Variants in GALNTL6 observed in about 807,000 individuals in gnomAD.
GALNTL6 encodes the protein polypeptide N-acetylgalactosaminyltransferase-like 6.
GALNTL6 carries 46 observed loss-of-function variants against 73.7 expected under a neutral mutation model. That is an observed-to-expected ratio of 0.62 (90% CI 0.49 to 0.80). The LOEUF is 0.80. Among genes scored for constraint, GALNTL6 ranks in the 30% least tolerant of loss-of-function variants. GALNTL6 has a pLI of 0.00. For missense variants in GALNTL6, 604 were observed against 755.0 expected (o/e 0.80, Z 2.34); for synonymous variants, 259 against 263.7 (o/e 0.98, Z 0.17).
chr4:172,415,402 A>G (rs1730785750), intron 5 of GALNTL6, among the ~76,000 whole-genome samples: 1 of 152,010 alleles, frequency 6.6e-6, no homozygotes, highest in Non-Finnish European at 1.5e-5. Flanking sequence ...GAGGGATTCT[A>G]CTCCACACAG....
At chr4:172,662,757 CT>C (rs1276264353) in intron 5 of GALNTL6, among the ~76,000 whole-genome samples, 2 of 152,138 alleles carry the variant, frequency 1.3e-5, no homozygotes, top group Admixed American at 1.3e-4. Context: ...TGAATCTTCT[CT>C]TTTTCTAGAG....
At chr4:171,900,331 A>C (rs1395112357) in intron 2 of GALNTL6, among the ~76,000 whole-genome samples, 1 of 152,100 alleles carries the variant, frequency 6.6e-6, no homozygotes, top group African/African-American at 2.4e-5. Context: ...TTTTTGAGAC[A>C]GAGTCTCACT....
At chr4:172,819,966 G>A (rs865894440) in intron 7 of GALNTL6, among the ~76,000 whole-genome samples, 2 of 152,206 alleles carry the variant, frequency 1.3e-5, no homozygotes, top group African/African-American at 2.4e-5. Context: ...ATATCGCAAA[G>A]CCAAAACATC....
chr4:172,052,330 G>C (rs1323109815), intron 2 of GALNTL6: 2 of 681,360 alleles, frequency 2.9e-6, no homozygotes, highest in Non-Finnish European at 4.9e-6. Flanking sequence ...TATATTGTGA[G>C]CTTATTTAGA....
At chr4:172,487,351 T>TTTCTTTCTTTCCTTCTTTCC (rs1254242822) in intron 5 of GALNTL6, among the ~76,000 whole-genome samples, 3 of 104,570 alleles carry the variant, frequency 2.9e-5, no homozygotes, top group Admixed American at 2.0e-4. Flanking sequence ...TCTTTCTTTC[T>TTTCTTTCTTTCCTTCTTTCC]TTCTTTCCTT....
intron 3 of GALNTL6, among the ~76,000 whole-genome samples, chr4:172,234,990 A>G (rs1024902371): frequency 6.6e-6 from 1 of 152,098 alleles, no homozygotes; most frequent in East Asian, 1.9e-4. Flanking sequence ...GTAGTAGTTG[A>G]TTATCTATTT....
intron 5 of GALNTL6, among the ~76,000 whole-genome samples, chr4:172,784,379 A>AC: frequency 6.6e-6 from 1 of 152,280 alleles, no homozygotes; most frequent in Middle Eastern, 3.4e-3. Flanking sequence ...CAGTATTAAA[A>AC]CTTTTTCTTC....
chr4:171,992,747 C>T (rs1327649322), intron 2 of GALNTL6, among the ~76,000 whole-genome samples: 2 of 151,926 alleles, frequency 1.3e-5, no homozygotes, highest in African/African-American at 4.8e-5. Flanking sequence ...AACTAGAAAG[C>T]CTAAGTAGCC....
chr4:172,990,378 C>T (rs6844502), intron 10 of GALNTL6, among the ~76,000 whole-genome samples: 1 of 152,048 alleles, frequency 6.6e-6, no homozygotes, highest in Non-Finnish European at 1.5e-5. Context: ...CTATAAATAG[C>T]TCAAAAGAAA....
intron 11 of GALNTL6, among the ~76,000 whole-genome samples, chr4:173,013,264 G>T (rs900503571): frequency 5.3e-5 from 8 of 152,018 alleles, no homozygotes; most frequent in African/African-American, 1.4e-4. Flanking sequence ...GAGTGGAAAA[G>T]AACTTTTTTA....
intron 5 of GALNTL6, among the ~76,000 whole-genome samples, chr4:172,487,940 G>A (rs980870142): frequency 6.6e-6 from 1 of 152,174 alleles, no homozygotes; most frequent in African/African-American, 2.4e-5. Flanking sequence ...GCAGAGAATA[G>A]AGCAAGGCTG....
intron 11 of GALNTL6, among the ~76,000 whole-genome samples, chr4:173,017,654 G>A (rs111337377): frequency 2.7e-4 from 41 of 152,282 alleles, no homozygotes; most frequent in Admixed American, 5.2e-4. Flanking sequence ...TATCACCTTG[G>A]ATGCAGGAAA....
chr4:172,133,275 A>C (rs1733549214), intron 2 of GALNTL6, among the ~76,000 whole-genome samples: 1 of 152,184 alleles, frequency 6.6e-6, no homozygotes, highest in Non-Finnish European at 1.5e-5. Context: ...TGATCCAGGA[A>C]CTATGAATAG....
intron 2 of GALNTL6, among the ~76,000 whole-genome samples, chr4:171,909,050 C>T (rs865971609): frequency 2.7e-4 from 41 of 149,514 alleles, no homozygotes; most frequent in Middle Eastern, 3.5e-3. Flanking sequence ...TGCTAGATGA[C>T]GAGTTAGTGG....
chr4:172,845,297 G>A (rs767059197), intron 7 of GALNTL6, among the ~76,000 whole-genome samples: 19 of 151,756 alleles, frequency 1.3e-4, no homozygotes, highest in African/African-American at 1.9e-4. Context: ...AATCAATTGC[G>A]TAAAAAACTC....
chr4:172,951,736 A>G (rs1184606488), intron 9 of GALNTL6, among the ~76,000 whole-genome samples: 4 of 152,258 alleles, frequency 2.6e-5, no homozygotes, highest in Non-Finnish European at 1.5e-5. Context: ...TAATCATGAA[A>G]TAACAGAGGG....
chr4:171,817,317 A>G (rs926157317), intron 2 of GALNTL6, among the ~76,000 whole-genome samples: 1 of 152,048 alleles, frequency 6.6e-6, no homozygotes, highest in Admixed American at 6.6e-5. Context: ...TGTTTTAAAT[A>G]GTTTAATTAT....
chr4:171,827,055 T>G (rs2110816026), intron 2 of GALNTL6, among the ~76,000 whole-genome samples: 1 of 152,262 alleles, frequency 6.6e-6, no homozygotes, highest in Admixed American at 6.6e-5. Flanking sequence ...AACAGCCACC[T>G]GGAAACATGG....
At chr4:171,931,431 A>G (rs1738181811) in intron 2 of GALNTL6, among the ~76,000 whole-genome samples, 1 of 152,176 alleles carries the variant, frequency 6.6e-6, no homozygotes, top group Non-Finnish European at 1.5e-5. Flanking sequence ...GTATCCCAGG[A>G]CATTCTTGTT....
Sources: gnomAD v4.1 joint callset for allele counts (sites outside exome capture counted in the v4.1 genomes callset) on GRCh38, gnomAD v4.1.1 for gene constraint, MANE v1.5 for transcripts, NCBI Gene and HGNC (gene_info 2026-07-23, HGNC 2026-07-21) for gene names.